Variants in RPS6KB1 observed in about 807,000 individuals in gnomAD.
RPS6KB1 encodes ribosomal protein S6 kinase B1.
In RPS6KB1, 12 loss-of-function variants were observed where a neutral mutation model predicts 70.2. That is an observed-to-expected ratio of 0.17 (90% CI 0.11 to 0.28). The LOEUF is 0.28. RPS6KB1 is among the 10% of genes least tolerant of loss of function. The probability of loss-of-function intolerance (pLI) is 1.00; values close to 1 mark genes in which losing one functional copy is unlikely to be tolerated. For missense variants in RPS6KB1, 270 were observed against 646.6 expected (o/e 0.42, Z 6.32); for synonymous variants, 175 against 211.2 (o/e 0.83, Z 1.49).
chr17:59,937,866 G>A (rs1233381979), intron 12 of RPS6KB1, among the ~76,000 whole-genome samples: 2 of 152,138 alleles, frequency 1.3e-5, no homozygotes, highest in East Asian at 1.9e-4. Context: ...CAGTTAGTGT[G>A]TTAGTTATTG....
intron 1 of RPS6KB1, among the ~76,000 whole-genome samples, chr17:59,908,160 T>G (rs1297713797): frequency 5.3e-5 from 8 of 152,138 alleles, no homozygotes; most frequent in Non-Finnish European, 2.9e-5. Context: ...ATATTCAGAA[T>G]GTAGTGCCTT....
chr17:59,910,654 C>G, intron 2 of RPS6KB1, 43 bp downstream of exon 2: 1 of 1,305,544 alleles, frequency 7.7e-7, no homozygotes, highest in Non-Finnish European at 1.1e-6. Context: ...GTCTTTCTTA[C>G]AAGTAGGTTT....
At chr17:59,908,763 T>C (rs62081835) in intron 1 of RPS6KB1, among the ~76,000 whole-genome samples, 3 of 129,188 alleles carry the variant, frequency 2.3e-5, no homozygotes, top group East Asian at 2.4e-4. Flanking sequence ...GGACTACAGG[T>C]GCCCGCTACC....
rs1439411067 is a variant in RPS6KB1 at position 59,948,788 on chromosome 17, G to A, written c.*2000G>A. ...GCAGAAATTATACTTAAAAAGTGCA[G>A]ATCCTTGTTCTTTGACAATTTGTGA... On this transcript the variant is annotated 3_prime_UTR_variant, in exon 15 of 15. Coordinates refer to ENST00000225577, the MANE Select transcript of RPS6KB1 (RefSeq NM_003161.4). 6.6e-6 allele frequency: 1 copy of A among 152,510 alleles called. No individual in the cohort carries two copies. The highest frequency in any genetic ancestry group is 1.5e-5 in the Non-Finnish European group (1 of 68,016). 9.4% of individuals were successfully genotyped at this position (152,510 alleles called of 1,614,324 possible).
chr17:59,942,290 A>G (rs1217805242), intron 13 of RPS6KB1, among the ~76,000 whole-genome samples: 3 of 152,208 alleles, frequency 2.0e-5, no homozygotes, highest in African/African-American at 7.2e-5. Flanking sequence ...TTGACATCAA[A>G]ACATATTGGT....
chr17:59,927,647 C>T (rs1293158813), intron 5 of RPS6KB1, among the ~76,000 whole-genome samples: 1 of 151,282 alleles, frequency 6.6e-6, no homozygotes, highest in Non-Finnish European at 1.5e-5. Context: ...GCTGGGACTA[C>T]AGGCATGCGC....
intron 12 of RPS6KB1, among the ~76,000 whole-genome samples, chr17:59,938,471 G>A (rs1003812938): frequency 1.3e-5 from 2 of 151,474 alleles, no homozygotes; most frequent in Non-Finnish European, 2.9e-5. Flanking sequence ...TGTCTCTTAG[G>A]TCTCTTTTCA....
chr17:59,908,178 A>G (rs2042378870), intron 1 of RPS6KB1, among the ~76,000 whole-genome samples: 1 of 152,062 alleles, frequency 6.6e-6, no homozygotes, highest in Non-Finnish European at 1.5e-5. Flanking sequence ...CTTTAATTTC[A>G]TAATACACAA....
chr17:59,918,887 A>G (rs1227624741), intron 4 of RPS6KB1, among the ~76,000 whole-genome samples: 2 of 135,466 alleles, frequency 1.5e-5, no homozygotes, highest in Admixed American at 1.7e-4. Flanking sequence ...GCTGGAGTGC[A>G]GTGGCACAGT....
At chr17:59,931,893 C>G (rs573635005) in intron 7 of RPS6KB1, among the ~76,000 whole-genome samples, 171 bp downstream of exon 7, 1 of 152,054 alleles carries the variant, frequency 6.6e-6, no homozygotes, top group East Asian at 1.9e-4. Flanking sequence ...TAGGTAATTA[C>G]GCTTGGTGAG....
intron 1 of RPS6KB1, among the ~76,000 whole-genome samples, chr17:59,895,074 G>GAA: frequency 6.6e-6 from 1 of 151,968 alleles, no homozygotes; most frequent in East Asian, 1.9e-4. Flanking sequence ...AGGCTGGAAT[G>GAA]CAGTGGCGTG....
chr17:59,941,119 A>G (rs1438315162), intron 13 of RPS6KB1, among the ~76,000 whole-genome samples, 176 bp downstream of exon 13: 1 of 150,410 alleles, frequency 6.6e-6, no homozygotes, highest in Non-Finnish European at 1.5e-5. Flanking sequence ...ATTTATTTTC[A>G]TAATCCAACA....
chr17:59,898,877 A>C (rs1051554666), intron 1 of RPS6KB1, among the ~76,000 whole-genome samples: 1 of 152,052 alleles, frequency 6.6e-6, no homozygotes, highest in Admixed American at 6.6e-5. Flanking sequence ...GATAGGCCAT[A>C]AAGCTTAAGG....
At chr17:59,943,569 T>A (rs1181301506) in intron 13 of RPS6KB1, among the ~76,000 whole-genome samples, 2 of 151,616 alleles carry the variant, frequency 1.3e-5, no homozygotes, top group African/African-American at 2.4e-5. Flanking sequence ...ATAAAGTGGA[T>A]CTCTTTAAAC....
At chr17:59,944,908 C>T (rs1475881938) in intron 13 of RPS6KB1, among the ~76,000 whole-genome samples, 2 of 151,808 alleles carry the variant, frequency 1.3e-5, no homozygotes, top group Non-Finnish European at 2.9e-5. Flanking sequence ...AAGTGATCCT[C>T]CTGCCTCAGC....
At chr17:59,902,090 G>T (rs2144698531) in intron 1 of RPS6KB1, among the ~76,000 whole-genome samples, 1 of 142,214 alleles carries the variant, frequency 7.0e-6, no homozygotes. Flanking sequence ...TTTATATTTG[G>T]TGGCTTTCAC....
At chr17:59,898,450 T>G (rs988464580) in intron 1 of RPS6KB1, among the ~76,000 whole-genome samples, 4 of 152,048 alleles carry the variant, frequency 2.6e-5, no homozygotes, top group Non-Finnish European at 5.9e-5. Flanking sequence ...GCAGCAACTT[T>G]TTTTTATTTT....
intron 4 of RPS6KB1, among the ~76,000 whole-genome samples, chr17:59,917,530 TG>T (rs1305047423): frequency 6.6e-6 from 1 of 152,176 alleles, no homozygotes; most frequent in African/African-American, 2.4e-5. Flanking sequence ...CTGTAACTCC[TG>T]GGCTCAAGCG....
chr17:59,940,719 A>G (rs1179646009), intron 12 of RPS6KB1, 117 bp from the exon 13 acceptor site: 3 of 561,822 alleles, frequency 5.3e-6, no homozygotes, highest in Admixed American at 6.6e-5. Context: ...TGCTAAGACT[A>G]TTCTAATACT....
Sources: allele counts gnomAD v4.1 joint callset (sites outside exome capture counted in the v4.1 genomes callset), GRCh38; gene constraint gnomAD v4.1.1; transcripts MANE v1.5; gene names NCBI Gene and HGNC (gene_info 2026-07-23, HGNC 2026-07-21).